Variants in ALPK2 observed in about 807,000 individuals in gnomAD.
ALPK2 encodes the protein alpha-protein kinase 2.
ALPK2 carries 127 observed loss-of-function variants against 163.1 expected under a neutral mutation model. That is an observed-to-expected ratio of 0.78 (90% CI 0.67 to 0.90). ALPK2 has a LOEUF of 0.90. ALPK2 is among the 40% of genes least tolerant of loss of function. The pLI is 0.00. For synonymous variants in ALPK2, 953 were observed against 959.1 expected, an observed-to-expected ratio of 0.99 and a Z score of 0.12; for missense variants, 2,360 against 2,589.6, an observed-to-expected ratio of 0.91 and a Z score of 1.92.
intron 5 of ALPK2, among the ~76,000 whole-genome samples, chr18:58,533,171 C>CT (rs1337031554): frequency 6.6e-6 from 1 of 152,212 alleles, no homozygotes; most frequent in Non-Finnish European, 1.5e-5. Context: ...TCTTTGCAGC[C>CT]TTTAGTGCAA....
intron 1 of ALPK2, among the ~76,000 whole-genome samples, chr18:58,624,619 T>C (rs1469943120): frequency 6.6e-6 from 1 of 152,162 alleles, no homozygotes; most frequent in Non-Finnish European, 1.5e-5. Flanking sequence ...CATGCCCAGC[T>C]AATTTTGTAT....
intron 11 of ALPK2, 112 bp from the exon 12 acceptor site, chr18:58,498,209 C>G: frequency 1.0e-6 from 1 of 968,624 alleles, no homozygotes; most frequent in African/African-American, 1.6e-5. Context: ...CTTCTCCTTC[C>G]TGCATAAACA....
At position 58,536,029 on chromosome 18, in the gene ALPK2, A is replaced by T; in HGVS notation, c.4158T>A (p.Thr1386=). The T allele has an allele frequency of 1.2e-6, 2 of 1,613,928 alleles. No homozygotes were observed. Among genetic ancestry groups the T allele is most frequent in the Non-Finnish European group, 1.7e-6 (2 of 1,179,902 alleles). ...QEEKQLKMDH[T]AFFKKFLTCP... is the part of the protein sequence containing the mutation. Reference sequence around the variant, plus strand: ...AGGTCAGAAACTTTTTAAAGAAGGCAGTGTGATCCATCTTGAGTTGTTTTT... The same window carrying T: ...AGGTCAGAAACTTTTTAAAGAAGGCTGTGTGATCCATCTTGAGTTGTTTTT... The change falls in exon 5 of 13, where the codon ACT becomes ACA. Residue 1386 remains threonine (T), a synonymous_variant. Coordinates refer to ENST00000361673, the MANE Select transcript of ALPK2 (RefSeq NM_052947.4).
chr18:58,503,872 C>CACAGGA (rs1403767159), intron 11 of ALPK2, 59 bp downstream of exon 11: 2 of 1,514,164 alleles, frequency 1.3e-6, no homozygotes, highest in Non-Finnish European at 1.8e-6. Context: ...CCTCTCCACC[C>CACAGGA]ACAGGAACAT....
At chr18:58,572,312 T>C (rs2051890054) in intron 4 of ALPK2, among the ~76,000 whole-genome samples, 1 of 152,156 alleles carries the variant, frequency 6.6e-6, no homozygotes, top group South Asian at 2.1e-4. Context: ...TGTAAAAAGG[T>C]ACAGCATCTC....
At chr18:58,605,800 A>G (rs1036421129) in intron 3 of ALPK2, among the ~76,000 whole-genome samples, 1 of 152,364 alleles carries the variant, frequency 6.6e-6, no homozygotes, top group East Asian at 1.9e-4. Flanking sequence ...TCTCCCAAGT[A>G]TACTGGAGTG....
chr18:58,621,523 G>A (rs1056734869), intron 1 of ALPK2, among the ~76,000 whole-genome samples: 1 of 152,094 alleles, frequency 6.6e-6, no homozygotes, highest in East Asian at 1.9e-4. Flanking sequence ...CGCCCGCCTC[G>A]GCCTCCCAAA....
intron 4 of ALPK2, among the ~76,000 whole-genome samples, chr18:58,561,837 T>A (rs923443377): frequency 2.6e-5 from 4 of 152,146 alleles, no homozygotes; most frequent in African/African-American, 9.7e-5. Context: ...TGTCAGGTGG[T>A]GGAAACTTCA....
chr18:58,485,572 A>G (rs2051334480), intron 12 of ALPK2, among the ~76,000 whole-genome samples: 1 of 152,262 alleles, frequency 6.6e-6, no homozygotes, highest in African/African-American at 2.4e-5. Context: ...CTCGTTGAAG[A>G]AAAGGTCAAC....
chr18:58,488,646 C>G (rs2051353140), intron 12 of ALPK2, among the ~76,000 whole-genome samples: 1 of 151,722 alleles, frequency 6.6e-6, no homozygotes, highest in South Asian at 2.1e-4. Flanking sequence ...CATTAGATGC[C>G]AACCAGAAGC....
intron 5 of ALPK2, among the ~76,000 whole-genome samples, chr18:58,533,636 C>T (rs1602204656): frequency 6.6e-6 from 1 of 151,610 alleles, no homozygotes; most frequent in Non-Finnish European, 1.5e-5. Flanking sequence ...TTGTATTTTT[C>T]GTAGAGATGG....
intron 4 of ALPK2, 80 bp downstream of exon 4, chr18:58,578,734 A>ACACACACACGCGCGCACGCGCGCG (rs745812070): frequency 0.024 from 9,258 of 391,530 alleles, 114 homozygotes; most frequent in East Asian, 0.071. Context: ...AAAGGAAGAG[A>ACACACACACGCGCGCACGCGCGCG]CACACACACA....
chr18:58,547,255 C>G (rs1260311567), intron 4 of ALPK2, among the ~76,000 whole-genome samples: 3 of 152,208 alleles, frequency 2.0e-5, no homozygotes, highest in Non-Finnish European at 4.4e-5. Context: ...GCTTCTAGAT[C>G]TAATCTTCTC....
intron 4 of ALPK2, among the ~76,000 whole-genome samples, chr18:58,546,571 T>TTTAC (rs1213711039): frequency 2.6e-5 from 4 of 152,226 alleles, no homozygotes; most frequent in African/African-American, 9.6e-5. Context: ...TTCTAACTGC[T>TTTAC]TTACTTACAT....
chr18:58,484,885 C>T (rs538535407), intron 12 of ALPK2, among the ~76,000 whole-genome samples: 1 of 152,184 alleles, frequency 6.6e-6, no homozygotes. Context: ...TAATTATCAA[C>T]ATTACAACTG....
In ALPK2 at chr18:58,579,835, A is replaced by T; in HGVS notation, c.941T>A (p.Ile314Lys). 1 of 1,614,192 alleles carries T rather than the reference A, an allele frequency of 6.2e-7. No individual in the cohort carries two copies. The highest frequency in any genetic ancestry group is 8.5e-7 in the Non-Finnish European group (1 of 1,180,030). The change falls in exon 4 of 13, where the codon ATA (isoleucine) becomes AAA (lysine). Residue 314 changes from isoleucine (I) to lysine (K), a missense_variant. Physicochemically the swap from Ile to Lys is moderately radical, Grantham distance 102. Transcript: ENST00000361673. ...AAACTCCTCGGTGTAGGTTAGGGTTATCTCTGGGCAAAGTTCATAGTCACT... is the reference window on the plus strand; with the variant it reads ...AAACTCCTCGGTGTAGGTTAGGGTTTTCTCTGGGCAAAGTTCATAGTCACT... ...SDSDYELCPE[I>K]TLTYTEEFSD...
chr18:58,493,771 C>T (rs1037259164), intron 12 of ALPK2, among the ~76,000 whole-genome samples: 1 of 152,180 alleles, frequency 6.6e-6, no homozygotes, highest in African/African-American at 2.4e-5. Context: ...GTCGTTCCTT[C>T]CTCCGAGGGT....
chr18:58,588,947 A>T lies in ALPK2; in HGVS notation c.228-8399T>A, dbSNP rs761220515. ...ATGATTTATATTCCTTTGGGTTTAT[A>T]TCTGGTAATGGGATTGCTGGGTATG... On this transcript the variant is annotated intron_variant, in intron 3 of 12. Transcript: ENST00000361673. Among the ~76,000 whole-genome samples, 3 of 152,226 alleles carry T rather than the reference A, an allele frequency of 2.0e-5. No homozygotes were observed. The East Asian group carries it at 5.8e-4, about 29-fold the overall frequency.
chr18:58,543,594 G>A (rs2144155482), intron 4 of ALPK2, among the ~76,000 whole-genome samples: 1 of 152,324 alleles, frequency 6.6e-6, no homozygotes, highest in East Asian at 1.9e-4. Context: ...CTCCACCAAT[G>A]CTGAAATGAC....
Sources: gnomAD v4.1 joint callset for allele counts (sites outside exome capture counted in the v4.1 genomes callset) on GRCh38, gnomAD v4.1.1 for gene constraint, MANE v1.5 for transcripts, NCBI Gene and HGNC (gene_info 2026-07-23, HGNC 2026-07-21) for gene names.